Variants in ADCY2 observed in about 807,000 individuals in gnomAD.
ADCY2 encodes adenylate cyclase 2, also known as adenylate cyclase type 2.
ADCY2 carries 31 observed loss-of-function variants against 125.2 expected under a neutral mutation model. That is an observed-to-expected ratio of 0.25 (90% CI 0.19 to 0.33). The LOEUF is 0.33. Ranked by LOEUF, ADCY2 falls within the 10% of genes least tolerant of loss-of-function variation. The pLI, the probability that ADCY2 is intolerant of heterozygous loss-of-function variation, is 1.00. For synonymous variants in ADCY2, 512 were observed against 548.4 expected, an observed-to-expected ratio of 0.93 and a Z score of 0.93; for missense variants, 904 against 1,418.2, an observed-to-expected ratio of 0.64 and a Z score of 5.82.
chr5:7,532,691 C>T (rs1734688330), intron 3 of ADCY2, among the ~76,000 whole-genome samples: 1 of 151,996 alleles, frequency 6.6e-6, no homozygotes, highest in South Asian at 2.1e-4. Flanking sequence ...AGAACTGTAT[C>T]AAAAGACTTT....
chr5:7,683,252 C>T (rs552255113), intron 4 of ADCY2, among the ~76,000 whole-genome samples: 1 of 152,332 alleles, frequency 6.6e-6, no homozygotes, highest in Non-Finnish European at 1.5e-5. Flanking sequence ...CCTGAAGCTG[C>T]AGCTTGTGGG....
chr5:7,553,731 C>G (rs1735414129), intron 3 of ADCY2, among the ~76,000 whole-genome samples: 1 of 152,132 alleles, frequency 6.6e-6, no homozygotes, highest in Non-Finnish European at 1.5e-5. Flanking sequence ...GCGAGATGGC[C>G]TTGCTCCCAC....
chr5:7,432,347 C>G (rs1326053311), intron 2 of ADCY2, among the ~76,000 whole-genome samples: 1 of 152,172 alleles, frequency 6.6e-6, no homozygotes, highest in African/African-American at 2.4e-5. Flanking sequence ...TTCCACTGAG[C>G]TGTTAATACT....
intron 2 of ADCY2, among the ~76,000 whole-genome samples, chr5:7,445,337 C>G (rs1741201976): frequency 6.6e-6 from 1 of 152,210 alleles, no homozygotes; most frequent in Non-Finnish European, 1.5e-5. Context: ...GGTCACCCTG[C>G]TTTCCTGTGC....
chr5:7,611,485 T>C (rs898031264), intron 3 of ADCY2, among the ~76,000 whole-genome samples: 4 of 151,354 alleles, frequency 2.6e-5, no homozygotes, highest in Non-Finnish European at 5.9e-5. Flanking sequence ...TAGTGGCAGG[T>C]TTATTATATA....
chr5:7,710,875 G>T (rs1741417787), intron 10 of ADCY2, among the ~76,000 whole-genome samples: 1 of 152,168 alleles, frequency 6.6e-6, no homozygotes, highest in Non-Finnish European at 1.5e-5. Context: ...TAACGTGAAA[G>T]TAGAGCCAAT....
At chr5:7,465,185 G>A (rs928081294) in intron 2 of ADCY2, among the ~76,000 whole-genome samples, 15 of 152,268 alleles carry the variant, frequency 9.9e-5, no homozygotes, top group East Asian at 5.8e-4. Flanking sequence ...TTTGGGTGGC[G>A]ACACAGCCAA....
intron 3 of ADCY2, among the ~76,000 whole-genome samples, chr5:7,537,083 G>A (rs1734841120): frequency 6.6e-6 from 1 of 152,120 alleles, no homozygotes. Flanking sequence ...CACTGACTGT[G>A]TAGAAATTTT....
intron 4 of ADCY2, among the ~76,000 whole-genome samples, chr5:7,687,686 CA>C (rs2126720891): frequency 6.6e-6 from 1 of 152,240 alleles, no homozygotes; most frequent in Non-Finnish European, 1.5e-5. Flanking sequence ...AGCGGACACA[CA>C]GGAAAGCATA....
intron 4 of ADCY2, among the ~76,000 whole-genome samples, chr5:7,655,806 T>C (rs1232338020): frequency 6.6e-6 from 1 of 152,112 alleles, no homozygotes; most frequent in Non-Finnish European, 1.5e-5. Context: ...AGTTAGATGG[T>C]GTAGGAATTG....
At chr5:7,759,654 C>T (rs1264927383) in intron 16 of ADCY2, among the ~76,000 whole-genome samples, 1 of 152,216 alleles carries the variant, frequency 6.6e-6, no homozygotes, top group African/African-American at 2.4e-5. Context: ...GAGGCCTCCT[C>T]TTCTAGGTCT....
intron 21 of ADCY2, among the ~76,000 whole-genome samples, chr5:7,804,029 T>G: frequency 8.1e-5 from 4 of 49,368 alleles, no homozygotes; most frequent in Admixed American, 2.0e-4. Flanking sequence ...AGGCCTCCCA[T>G]GGAGGGGGGA....
intron 15 of ADCY2, among the ~76,000 whole-genome samples, chr5:7,747,029 G>A (rs1742647369): frequency 6.6e-6 from 1 of 152,186 alleles, no homozygotes; most frequent in Admixed American, 6.5e-5. Flanking sequence ...AATCGTACAG[G>A]TATTTGTTCA....
chr5:7,778,070 C>A (rs1374940105), intron 18 of ADCY2, among the ~76,000 whole-genome samples: 1 of 152,192 alleles, frequency 6.6e-6, no homozygotes, highest in Admixed American at 6.5e-5. Flanking sequence ...GTTGTGGTTC[C>A]TATCTATGAC....
chr5:7,606,427 A>C (rs1013056720), intron 3 of ADCY2, among the ~76,000 whole-genome samples: 8 of 152,212 alleles, frequency 5.3e-5, no homozygotes, highest in African/African-American at 1.9e-4. Context: ...GAAAAACACA[A>C]CTAATTATGT....
intron 4 of ADCY2, among the ~76,000 whole-genome samples, chr5:7,682,309 C>A (rs1740364672): frequency 6.6e-6 from 1 of 151,962 alleles, no homozygotes; most frequent in Non-Finnish European, 1.5e-5. Flanking sequence ...AAGAAGAGAC[C>A]CGTTTTTTCA....
rs180767897 is a variant in ADCY2 at position 7,593,053 on chromosome 5, T to G, written c.571-33114T>G. Reference sequence around the variant, plus strand: ...CACCAAACCTTGTATATCTGAGAGATAAAATGCACATAGGTTTGGGGACCA... The same window carrying G: ...CACCAAACCTTGTATATCTGAGAGAGAAAATGCACATAGGTTTGGGGACCA... On this transcript the variant is annotated intron_variant, in intron 3 of 24. Transcript: ENST00000338316. 6.2e-4 allele frequency among the ~76,000 whole-genome samples: 95 copies of G among 152,280 alleles called. 2 individuals carry two copies. The East Asian group carries it at 0.014, about 22-fold the overall frequency.
intron 2 of ADCY2, among the ~76,000 whole-genome samples, chr5:7,473,504 C>A (rs1284360705): frequency 6.6e-6 from 1 of 152,046 alleles, no homozygotes; most frequent in Non-Finnish European, 1.5e-5. Flanking sequence ...ACACCTCCCA[C>A]TAGGCCCTGC....
chr5:7,681,871 T>C (rs560237699), intron 4 of ADCY2, among the ~76,000 whole-genome samples: 1 of 152,362 alleles, frequency 6.6e-6, no homozygotes, highest in East Asian at 1.9e-4. Flanking sequence ...ATTGCTCTCC[T>C]GTCCCCAGCT....
Sources: gnomAD v4.1 joint callset for allele counts (sites outside exome capture counted in the v4.1 genomes callset) on GRCh38, gnomAD v4.1.1 for gene constraint, MANE v1.5 for transcripts, NCBI Gene and HGNC (gene_info 2026-07-23, HGNC 2026-07-21) for gene names.